Variants in CPT2 observed in about 807,000 individuals in gnomAD.
CPT2 encodes carnitine O-palmitoyltransferase 2, mitochondrial.
CPT2 carries 37 observed loss-of-function variants against 48.6 expected under a neutral mutation model. The ratio of observed to expected loss-of-function variants is 0.76; its 90% confidence interval spans 0.59 to 1.00. The LOEUF is 1.00. CPT2 is among the 50% of genes least tolerant of loss of function. The probability of loss-of-function intolerance (pLI) is 0.00; values close to 1 mark genes in which losing one functional copy is unlikely to be tolerated. For missense variants in CPT2, 772 were observed against 825.6 expected, an observed-to-expected ratio of 0.94 and a Z score of 0.80; for synonymous variants, 319 against 326.9, an observed-to-expected ratio of 0.98 and a Z score of 0.26.
intron 2 of CPT2, 123 bp from the exon 3 acceptor site, chr1:53,202,200 C>T: frequency 1.4e-6 from 1 of 730,156 alleles, no homozygotes; most frequent in South Asian, 1.5e-5. Flanking sequence ...TTTCTGATCT[C>T]ATTCCAGGTT....
intron 1 of CPT2, 45 bp downstream of exon 1, chr1:53,197,140 A>G (rs1645328722): frequency 5.9e-6 from 9 of 1,535,248 alleles, no homozygotes; most frequent in Non-Finnish European, 7.9e-6. Context: ...CCGTCCCAGG[A>G]TCGGCCCCAA....
intron 1 of CPT2, 195 bp from the exon 2 acceptor site, chr1:53,200,524 T>TA (rs1226992868): frequency 1.8e-6 from 1 of 559,924 alleles, no homozygotes; most frequent in Non-Finnish European, 3.2e-6. Flanking sequence ...ATTTAGTTGT[T>TA]ATTTTACTTA....
At position 53,210,379 on chromosome 1, in the gene CPT2, C is replaced by T. The variant is rs1156707548; in HGVS notation, c.705C>T (p.Phe235=). The T allele has an allele frequency of 6.2e-7, 1 of 1,614,094 alleles. No homozygotes were observed. Among genetic ancestry groups the T allele is most frequent in the Non-Finnish European group, 8.5e-7 (1 of 1,180,024 alleles). Residue 235 remains phenylalanine (F), a synonymous_variant, in exon 4 of 5, where the codon TTC becomes TTT. Coordinates refer to ENST00000371486, the MANE Select transcript of CPT2 (RefSeq NM_000098.3). ...CCAAACCCAGTCGGGATGAACTCTT[C>T]ACTGATGACAAGGCCAGACACCTCC... ...RLPKPSRDEL[F]TDDKARHLLV...
chr1:53,198,608 A>G (rs576081769), intron 1 of CPT2, among the ~76,000 whole-genome samples: 1 of 152,336 alleles, frequency 6.6e-6, no homozygotes, highest in South Asian at 2.1e-4. Flanking sequence ...CCAAGTTCAG[A>G]GTCAGATGGT....
chr1:53,197,435 C>G (rs926939298), intron 1 of CPT2: 1 of 403,230 alleles, frequency 2.5e-6, no homozygotes, highest in Non-Finnish European at 4.6e-6. Context: ...TTTCCAGCGC[C>G]GCTGTAATCC....
intron 1 of CPT2, chr1:53,197,346 C>G (rs1645330060): frequency 1.7e-6 from 1 of 577,878 alleles, no homozygotes; most frequent in South Asian, 2.0e-5. Flanking sequence ...GAACGCTTCT[C>G]AGATTCCCTC....
At chr1:53,204,699 G>A (rs1415590656) in intron 3 of CPT2, among the ~76,000 whole-genome samples, 1 of 152,124 alleles carries the variant, frequency 6.6e-6, no homozygotes, top group Non-Finnish European at 1.5e-5. Flanking sequence ...ACGTGTTGAA[G>A]GAGGGACCTG....
chr1:53,207,171 G>A (rs1027159095), intron 3 of CPT2, among the ~76,000 whole-genome samples: 5 of 152,218 alleles, frequency 3.3e-5, no homozygotes, highest in Non-Finnish European at 7.3e-5. Context: ...CACCATGATT[G>A]TAAGTTTCCT....
intron 3 of CPT2, among the ~76,000 whole-genome samples, chr1:53,206,374 CTG>C (rs1054165985): frequency 8.5e-5 from 13 of 152,154 alleles, no homozygotes; most frequent in African/African-American, 3.1e-4. Flanking sequence ...CCTAGTGGAA[CTG>C]TGAGAAGAGG....
Position 53,211,230 on chromosome 1 carries a change from A to G in CPT2, c.1556A>G (p.Glu519Gly). ...TKRCSEAFVR[E>G]PSRHSAGELQ... ...AGGTGCTCTGAGGCCTTTGTCAGGGAGCCCTCCAGGCACAGTGCTGGTGAG... is the reference window on the plus strand; with the variant it reads ...AGGTGCTCTGAGGCCTTTGTCAGGGGGCCCTCCAGGCACAGTGCTGGTGAG... Residue 519 changes from glutamate to glycine, a missense_variant, in exon 4 of 5, where the codon GAG (glutamate) becomes GGG (glycine). By Grantham distance (98) the Glu-to-Gly change is moderately conservative. Coordinates refer to ENST00000371486, the MANE Select transcript of CPT2 (RefSeq NM_000098.3). The G allele has an allele frequency of 6.2e-7, 1 of 1,610,334 alleles. No individual in the cohort carries two copies.
chr1:53,202,274 C>A, intron 2 of CPT2, 49 bp from the exon 3 acceptor site: 1 of 1,467,618 alleles, frequency 6.8e-7, no homozygotes, highest in South Asian at 1.1e-5. Context: ...ACCTAAAAAT[C>A]ATGTATTCCC....
In CPT2 at chr1:53,196,867, A is replaced by T; in HGVS notation, c.-77A>T. 1 of 1,509,336 alleles carries T rather than the reference A, an allele frequency of 6.6e-7. No individual in the cohort carries two copies. Among genetic ancestry groups the T allele is most frequent in the Non-Finnish European group, 8.9e-7 (1 of 1,129,464 alleles). The allele number at this position is 1,509,336 out of a possible 1,614,324, so 93.5% of individuals were successfully genotyped here. On this transcript the variant is annotated 5_prime_UTR_variant, in exon 1 of 5. Coordinates refer to ENST00000371486, the MANE Select transcript of CPT2 (RefSeq NM_000098.3). ...TCCTGACGCAGTGTCTTGGGCGCTA[A>T]CGGCGGCGGCGGCCTTGTGTTTAGA...
chr1:53,204,360 G>T (rs912222473), intron 3 of CPT2: 1 of 151,746 alleles, frequency 6.6e-6, no homozygotes, highest in African/African-American at 2.4e-5. Context: ...TAAAACTCCT[G>T]CTTTCCTATT....
chr1:53,209,802 G>A (rs568758712), intron 3 of CPT2: 7 of 594,206 alleles, frequency 1.2e-5, no homozygotes, highest in Non-Finnish European at 2.1e-5. Context: ...AAACATTATT[G>A]TAAGTGATAG....
chr1:53,203,101 T>C (rs1645364483), intron 3 of CPT2: 1 of 152,418 alleles, frequency 6.6e-6, no homozygotes, highest in African/African-American at 2.4e-5. Flanking sequence ...AGCAACTTCC[T>C]CATCATCTTA....
chr1:53,210,285 C>T lies in CPT2; in HGVS notation c.611C>T (p.Ala204Val), dbSNP rs867555821. The change falls in exon 4 of 5, where the codon GCC becomes GTC. Residue 204 changes from alanine to valine, a missense_variant. Physicochemically the swap from Ala to Val is moderately conservative, Grantham distance 64. Coordinates refer to ENST00000371486, the MANE Select transcript of CPT2 (RefSeq NM_000098.3). ...CCTTCCTCTCTGTCCTGGTATGGGG[C>T]CTACCTGGTCAATGCGTATCCCCTG... ...FVPSSLSWYG[A>V]YLVNAYPLDM... The T allele has an allele frequency of 7.4e-6, 12 of 1,614,042 alleles. No individual in the cohort carries two copies. The Admixed American group carries it at 1.3e-4, about 18-fold the overall frequency.
chr1:53,202,508 G>C lies in CPT2; in HGVS notation c.340+79G>C. Reference sequence around the variant, plus strand: ...AGTAAGGCATATTCTCTCCTGTTTTGGTCTCAGAGATATTTTTGGTGAGAC... The same window carrying C: ...AGTAAGGCATATTCTCTCCTGTTTTCGTCTCAGAGATATTTTTGGTGAGAC... On this transcript the variant is annotated intron_variant, in intron 3 of 4. Coordinates refer to ENST00000371486, the MANE Select transcript of CPT2 (RefSeq NM_000098.3). 5.0e-6 allele frequency: 6 copies of C among 1,208,492 alleles called. No individual in the cohort carries two copies. The South Asian group carries it at 7.4e-5, about 15-fold the overall frequency. The allele number at this position is 1,208,492 out of a possible 1,614,324, so 74.9% of individuals were successfully genotyped here. A position where few individuals can be genotyped will look rare whatever the true frequency, so the allele number is the denominator to read the frequency against.
At chr1:53,200,665 A>T in intron 1 of CPT2, 54 bp from the exon 2 acceptor site, 1 of 1,331,126 alleles carries the variant, frequency 7.5e-7, no homozygotes, top group Non-Finnish European at 1.1e-6. Context: ...TTGTAAAGCT[A>T]ATTAACCTCT....
In CPT2 at chr1:53,213,307, A is replaced by G; in HGVS notation, c.1689A>G (p.Ala563=). 1 of 1,614,222 alleles carries G rather than the reference A, an allele frequency of 6.2e-7. No individual in the cohort carries two copies. Among genetic ancestry groups the G allele is most frequent in the Non-Finnish European group, 8.5e-7 (1 of 1,180,046 alleles). ...ACTTGTTTGCTCTGCGGCATCTGGC[A>G]GCAGCCAAAGGGATCATCTTGCCTG... ...DRHLFALRHL[A]AAKGIILPEL... is the part of the protein sequence containing the mutation. The change falls in exon 5 of 5, where the codon GCA becomes GCG. Residue 563 remains alanine (A), a synonymous_variant. Transcript: ENST00000371486.
Sources: gnomAD v4.1 joint callset for allele counts (sites outside exome capture counted in the v4.1 genomes callset) on GRCh38, gnomAD v4.1.1 for gene constraint, MANE v1.5 for transcripts, NCBI Gene and HGNC (gene_info 2026-07-23, HGNC 2026-07-21) for gene names.